The following OSBP2 variants were observed in gnomAD, a reference collection of about 807,000 sequenced individuals.
The protein encoded by OSBP2 is oxysterol binding protein 2.
In OSBP2, 66 loss-of-function variants were observed where a neutral mutation model predicts 96.0. That is an observed-to-expected ratio of 0.69 (90% confidence interval 0.56 to 0.84). OSBP2 has a LOEUF of 0.84. Among genes scored for constraint, OSBP2 ranks in the 40% least tolerant of loss-of-function variants. The pLI is 0.00. For missense variants in OSBP2, 1,038 were observed against 1,222.7 expected (o/e 0.85, Z 2.25); for synonymous variants, 525 against 520.9 (o/e 1.01, Z -0.11).
Position 30,881,533 on chromosome 22 carries a change from C to A in OSBP2, c.1108-5893C>A. 1.8e-6 allele frequency: 1 copy of A among 568,210 alleles called. No individual in the cohort carries two copies. The highest frequency in any genetic ancestry group is 2.7e-6 in the Non-Finnish European group (1 of 370,346). The allele number at this position is 568,210 out of a possible 1,614,324, so 35.2% of individuals were successfully genotyped here. A position where few individuals can be genotyped will look rare whatever the true frequency, so the allele number is the denominator to read the frequency against. ...CTCCTGGCCCCAGGTAGAGTTGTCA[C>A]ACAGCCTCAGAGAAATGAGACCACG... On this transcript the variant is annotated intron_variant, in intron 3 of 13. Coordinates refer to ENST00000332585, the MANE Select transcript of OSBP2 (RefSeq NM_030758.4). The surrounding 1 kb of genome is among the most constrained non-coding windows in gnomAD (Gnocchi z 4.5).
intron 2 of OSBP2, among the ~76,000 whole-genome samples, chr22:30,850,292 G>A (rs543074891): frequency 2.1e-5 from 3 of 142,206 alleles, no homozygotes; most frequent in South Asian, 4.8e-4. Flanking sequence ...GGGTAACAGA[G>A]CTAGACTCTG....
intron 2 of OSBP2, among the ~76,000 whole-genome samples, chr22:30,824,083 C>T (rs1442165609): frequency 2.0e-5 from 3 of 152,144 alleles, no homozygotes; most frequent in African/African-American, 7.2e-5. Context: ...TAGCACTTGG[C>T]TTGGTTGTGG....
At chr22:30,826,221 G>A (rs1055872729) in intron 2 of OSBP2, among the ~76,000 whole-genome samples, 2 of 152,196 alleles carry the variant, frequency 1.3e-5, no homozygotes, top group Non-Finnish European at 2.9e-5. Context: ...TTAGGGGACA[G>A]CTTGCCAAAG....
At chr22:30,846,413 A>C (rs1216064660) in intron 2 of OSBP2, among the ~76,000 whole-genome samples, 1 of 152,166 alleles carries the variant, frequency 6.6e-6, no homozygotes, top group Non-Finnish European at 1.5e-5. Flanking sequence ...GGCCTCCCAA[A>C]GTGCTGGGAT....
At chr22:30,818,555 G>C (rs1424859992) in intron 2 of OSBP2, among the ~76,000 whole-genome samples, 1 of 152,152 alleles carries the variant, frequency 6.6e-6, no homozygotes, top group Non-Finnish European at 1.5e-5. Flanking sequence ...AGTAGTTTCT[G>C]GGGCCGCCGT....
chr22:30,773,103 A>ATTTT lies in OSBP2; in HGVS notation c.853+31747_853+31750dup, dbSNP rs695837. ...CACTGAGCCCAGCCTGTTAAACACG[A>ATTTT]TTTTTTTTTTTTTTTTGAGATGGAG... On this transcript the variant is annotated intron_variant, in intron 2 of 13. Coordinates refer to ENST00000332585, the MANE Select transcript of OSBP2 (RefSeq NM_030758.4). 531 of 123,336 alleles carry ATTTT rather than the reference A, an allele frequency of 4.3e-3. 8 individuals carry two copies. The highest frequency in any genetic ancestry group is 0.013 in the African/African-American group (414 of 32,284). The allele number at this position is 123,336 out of a possible 1,614,324, so 7.6% of individuals were successfully genotyped here.
intron 1 of OSBP2, among the ~76,000 whole-genome samples, chr22:30,733,877 A>C (rs2089815390): frequency 6.6e-6 from 1 of 152,216 alleles, no homozygotes; most frequent in African/African-American, 2.4e-5. Context: ...TTGCAGTTAA[A>C]TTGTACTGCA....
At chr22:30,778,241 A>C (rs1443466113) in intron 2 of OSBP2, among the ~76,000 whole-genome samples, 1 of 146,090 alleles carries the variant, frequency 6.8e-6, no homozygotes, top group Non-Finnish European at 1.5e-5. Flanking sequence ...AAATAAAAAC[A>C]ATGCCATGAT....
chr22:30,861,603 C>T (rs938677592), intron 2 of OSBP2, among the ~76,000 whole-genome samples: 2 of 152,150 alleles, frequency 1.3e-5, no homozygotes, highest in Admixed American at 6.5e-5. Context: ...TGCCTTCCAG[C>T]GTCCTCAGGT....
intron 2 of OSBP2, among the ~76,000 whole-genome samples, chr22:30,792,480 C>A (rs189202625): frequency 6.6e-6 from 1 of 152,078 alleles, no homozygotes; most frequent in Non-Finnish European, 1.5e-5. Flanking sequence ...TACAGGCCCA[C>A]GGGTAAAAAG....
At chr22:30,862,426 T>A (rs777739290) in intron 2 of OSBP2, among the ~76,000 whole-genome samples, 3 of 152,238 alleles carry the variant, frequency 2.0e-5, no homozygotes, top group Non-Finnish European at 4.4e-5. Context: ...AAGCCTGTAA[T>A]CCTAGCACTT....
intron 2 of OSBP2, chr22:30,803,127 T>C: frequency 4.9e-6 from 1 of 203,786 alleles, no homozygotes. Context: ...GCAAGAGCCC[T>C]CGCAGCCTCG....
rs762172674 is a variant in OSBP2 at position 30,889,206 on chromosome 22, G to A, written c.1448G>A (p.Ser483Asn). 5 of 1,613,460 alleles carry A rather than the reference G, an allele frequency of 3.1e-6. No homozygotes were observed. In the East Asian group the frequency reaches 1.1e-4, roughly 36 times the overall value. Residue 483 changes from serine (S) to asparagine (N), a missense_variant, in exon 6 of 14, where the codon AGT (serine) becomes AAT (asparagine). Coordinates refer to ENST00000332585, the MANE Select transcript of OSBP2 (RefSeq NM_030758.4). The part of the protein sequence containing the change: ...SRKAEGSTGT[S>N]SVDWSSADNV... ...AAAGCTGAAGGTAGCACCGGGACAA[G>A]TTCCGTGGACTGGAGCTCAGCAGAC...
chr22:30,753,871 T>C (rs1172217554), intron 2 of OSBP2, among the ~76,000 whole-genome samples: 2 of 152,246 alleles, frequency 1.3e-5, no homozygotes, highest in Non-Finnish European at 2.9e-5. Flanking sequence ...TCCTGTAGAA[T>C]GCCCTGGAAT....
intron 2 of OSBP2, among the ~76,000 whole-genome samples, chr22:30,806,775 C>G (rs1468744143): frequency 6.6e-6 from 1 of 152,174 alleles, no homozygotes; most frequent in African/African-American, 2.4e-5. Context: ...TACCACTGAG[C>G]TGGACAGCTC....
intron 12 of OSBP2, among the ~76,000 whole-genome samples, chr22:30,898,859 A>ATAT (rs971004005): frequency 2.5e-5 from 3 of 120,662 alleles, no homozygotes; most frequent in Non-Finnish European, 5.1e-5. Context: ...TATCATCTTT[A>ATAT]TATTAATAAT....
At chr22:30,892,560 A>G (rs557117948) in intron 8 of OSBP2, among the ~76,000 whole-genome samples, 54 of 152,190 alleles carry the variant, frequency 3.5e-4, no homozygotes, top group African/African-American at 1.3e-3. Flanking sequence ...AGCATGGAAT[A>G]AGGAAGAACA....
rs541274269 is a variant in OSBP2, at chr22:30,798,019, C to T, written c.853+56650C>T. Among the ~76,000 whole-genome samples, 13 of 152,276 alleles carry T rather than the reference C, an allele frequency of 8.5e-5. No homozygotes were observed. In the East Asian group the frequency reaches 2.5e-3, roughly 29 times the overall value. The stretch of plus-strand genomic sequence containing the variant: ...TTTTGAGGAACCTCCACCCTATTTT[C>T]CACAGCAGCTGCTCAACCATTTTAT... On this transcript the variant is annotated intron_variant, in intron 2 of 13. Coordinates refer to ENST00000332585, the MANE Select transcript of OSBP2 (RefSeq NM_030758.4).
Position 30,870,437 on chromosome 22 carries a change from G to A in OSBP2, c.862G>A (p.Gly288Arg), listed in dbSNP as rs373890605. 2 of 1,613,854 alleles carry A rather than the reference G, an allele frequency of 1.2e-6. No individual in the cohort carries two copies. The highest frequency in any genetic ancestry group is 1.1e-5 in the South Asian group (1 of 91,076). The change falls in exon 3 of 14, where the codon GGG (glycine) becomes AGG (arginine). Residue 288 changes from glycine to arginine, a missense_variant. Physicochemically the swap from Gly to Arg is moderately radical, Grantham distance 125. Around this residue, in one of 3 missense-constraint regions of OSBP2, gnomAD observed 737 missense variants for 913.3 expected, o/e 0.81. Coordinates refer to ENST00000332585, the MANE Select transcript of OSBP2 (RefSeq NM_030758.4). The surrounding 1 kb of genome is among the most constrained non-coding windows in gnomAD (Gnocchi z 4.1). ...TCTATTTTCTTCCACAGATGACTCT[G>A]GGGACGACGACGAGGCTACCACCCC... ...RVMNTHSDDS[G>R]DDDEATTPAD...
Sources: allele counts gnomAD v4.1 joint callset (sites outside exome capture counted in the v4.1 genomes callset), GRCh38; gene constraint gnomAD v4.1.1; regional missense constraint gnomAD v4.1.1; non-coding constraint Gnocchi (gnomAD v3.1); transcripts MANE v1.5; gene names NCBI Gene and HGNC (gene_info 2026-07-23, HGNC 2026-07-21).